FN1: variants seen among roughly 807,000 people sequenced by gnomAD.
FN1 encodes fibronectin 1, also known as fibronectin.
A neutral mutation model predicts 297.3 loss-of-function variants in FN1; 106 were observed. The ratio of observed to expected loss-of-function variants is 0.36; its 90% confidence interval spans 0.30 to 0.42. The LOEUF is 0.42. Ranked by LOEUF, FN1 falls within the 10% of genes least tolerant of loss-of-function variation. The pLI is 1.00. For missense variants in FN1, 2,690 were observed against 3,124.9 expected (o/e 0.86, Z 3.32); for synonymous variants, 1,149 against 1,152.6 (o/e 1.00, Z 0.06).
chr2:215,365,461 G>A (rs1031354568), intron 43 of FN1, 44 bp downstream of exon 43: 4 of 1,598,378 alleles, frequency 2.5e-6, no homozygotes, highest in African/African-American at 2.7e-5. Flanking sequence ...TAATGAAAGT[G>A]AGAATGCTTA....
chr2:215,399,698 T>C (rs2060763791), intron 20 of FN1, among the ~76,000 whole-genome samples: 1 of 152,200 alleles, frequency 6.6e-6, no homozygotes, highest in Non-Finnish European at 1.5e-5. Context: ...GGTGGTCCTT[T>C]CATTGAAATT....
intron 38 of FN1, among the ~76,000 whole-genome samples, chr2:215,375,005 TAC>T (rs1361290108): frequency 6.6e-6 from 1 of 152,220 alleles, no homozygotes; most frequent in Non-Finnish European, 1.5e-5. Context: ...ATGCCATTAG[TAC>T]AGTCTTGAAA....
At chr2:215,421,867 A>G (rs2064446330) in intron 10 of FN1, among the ~76,000 whole-genome samples, 1 of 152,168 alleles carries the variant, frequency 6.6e-6, no homozygotes, top group African/African-American at 2.4e-5. Flanking sequence ...AAGTACTTAC[A>G]TGCTAGGAGT....
At chr2:215,365,408 C>G in intron 43 of FN1, 97 bp downstream of exon 43, 1 of 1,319,576 alleles carries the variant, frequency 7.6e-7, no homozygotes. Flanking sequence ...TCAAGGAGAC[C>G]TAAAGTCTCC....
chr2:215,409,700 A>G lies in FN1; in HGVS notation c.2162T>C (p.Leu721Pro). Residue 721 changes from leucine (L) to proline (P), a missense_variant, in exon 15 of 46, where the codon CTT (leucine) becomes CCT (proline). Around this residue, in one of 3 missense-constraint regions of FN1, gnomAD observed 876 missense variants for 1,058.1 expected, o/e 0.83. Coordinates refer to ENST00000354785, the MANE Select transcript of FN1 (RefSeq NM_212482.4). The stretch of plus-strand genomic sequence containing the variant: ...GGTCACAGATTCAGAAGTGGCCACA[A>G]GAGGAGAAAAGGGAGTCGTCTCTCC... Reference protein sequence around the residue: ...VTGETTPFSPLVATSESVTEI... With the variant: ...VTGETTPFSPPVATSESVTEI... The G allele has an allele frequency of 1.2e-6, 2 of 1,614,134 alleles. No individual in the cohort carries two copies. The highest frequency in any genetic ancestry group is 1.7e-6 in the Non-Finnish European group (2 of 1,180,004).
chr2:215,379,878 T>A (rs988269855), intron 33 of FN1: 1 of 155,414 alleles, frequency 6.4e-6, no homozygotes, highest in African/African-American at 2.4e-5. Flanking sequence ...TATTTTTTTG[T>A]AGAGACGGGG....
At chr2:215,412,700 T>G (rs2062830577) in intron 13 of FN1, among the ~76,000 whole-genome samples, 1 of 151,886 alleles carries the variant, frequency 6.6e-6, no homozygotes, top group Admixed American at 6.6e-5. Context: ...CTGACATTTG[T>G]ATCATTATAT....
Position 215,388,292 on chromosome 2 carries a change from G to A in FN1, c.4262C>T (p.Pro1421Leu), listed in dbSNP as rs146898035. 6.2e-7 allele frequency: 1 copy of A among 1,613,038 alleles called. No homozygotes were observed. The change falls in exon 27 of 46, where the codon CCT (proline) becomes CTT (leucine). Residue 1421 changes from proline to leucine, a missense_variant. Transcript: ENST00000354785. ...GACACTCACTACATATTCTGTACCA[G>A]GCAGGAGATCTGTAGGGGCAAATGG... is the stretch of plus-strand genomic sequence containing the variant. Reference protein sequence around the residue: ...DNAVVLTNLLPGTEYVVSVSS... With the variant: ...DNAVVLTNLLLGTEYVVSVSS...
Position 215,383,365 on chromosome 2 carries a change from A to G in FN1, c.5013T>C (p.Asn1671=), listed in dbSNP as rs371112508. 5.0e-6 allele frequency: 8 copies of G among 1,613,948 alleles called. No individual in the cohort carries two copies. The highest frequency in any genetic ancestry group is 6.8e-6 in the Non-Finnish European group (8 of 1,180,008). ...TTTTAGTTTTTGTTGGTCCTGGTCCATTTTTGGGAGTGGTGGTTACTCTGT... is the reference window on the plus strand; with the variant it reads ...TTTTAGTTTTTGTTGGTCCTGGTCCGTTTTTGGGAGTGGTGGTTACTCTGT... ...TGYRVTTTPK[N]GPGPTKTKTA... The change falls in exon 31 of 46, where the codon AAT becomes AAC. Residue 1671 remains asparagine (N), a synonymous_variant. Coordinates refer to ENST00000354785, the MANE Select transcript of FN1 (RefSeq NM_212482.4).
At chr2:215,383,609 G>C (rs76718250) in intron 30 of FN1, 126 bp from the exon 31 acceptor site, 2 of 1,021,964 alleles carry the variant, frequency 2.0e-6, no homozygotes, top group Admixed American at 1.9e-5. Flanking sequence ...ATTTCTTCTC[G>C]AAAGAATACA....
intron 8 of FN1, 78 bp downstream of exon 8, chr2:215,424,068 G>T: frequency 1.4e-6 from 2 of 1,431,188 alleles, no homozygotes; most frequent in Non-Finnish European, 2.0e-6. Flanking sequence ...AAAATAAATG[G>T]CTAGAATGCT....
At chr2:215,379,613 A>AG in intron 33 of FN1, 1 of 309,638 alleles carries the variant, frequency 3.2e-6, no homozygotes, top group Admixed American at 4.7e-5. Context: ...TAAAAAAAAA[A>AG]GTTACATTGG....
Position 215,431,868 on chromosome 2 carries a change from C to T in FN1, c.512G>A (p.Gly171Asp). The T allele has an allele frequency of 6.2e-7, 1 of 1,614,174 alleles. No individual in the cohort carries two copies. The highest frequency in any genetic ancestry group is 8.5e-7 in the Non-Finnish European group (1 of 1,180,024). Residue 171 changes from glycine to aspartate, a missense_variant, in exon 4 of 46, where the codon GGT (glycine) becomes GAT (aspartate). By Grantham distance (94) the Gly-to-Asp change is moderately conservative. This residue lies in a region of FN1 where 876 missense variants were observed against 1,058.1 expected (regional missense o/e 0.83). Coordinates refer to ENST00000354785, the MANE Select transcript of FN1 (RefSeq NM_212482.4). ...GCAGGTCCATTCTCCTTTTCCATTACCAAGACACACACACTCTAACATGTA... is the reference window on the plus strand; with the variant it reads ...GCAGGTCCATTCTCCTTTTCCATTATCAAGACACACACACTCTAACATGTA... Reference protein sequence around the residue: ...GGYMLECVCLGNGKGEWTCKP... With the variant: ...GGYMLECVCLDNGKGEWTCKP...
chr2:215,414,267 G>A (rs1269500795), intron 13 of FN1, among the ~76,000 whole-genome samples: 1 of 152,050 alleles, frequency 6.6e-6, no homozygotes, highest in East Asian at 1.9e-4. Flanking sequence ...CTTCTCATTA[G>A]GAAATCACAG....
rs768554043 is a variant in FN1, at chr2:215,384,109, C to G, written c.4805G>C (p.Gly1602Ala). The change falls in exon 30 of 46, where the codon GGA becomes GCA. Residue 1602 changes from glycine (G) to alanine (A), a missense_variant. By Grantham distance (60) the Gly-to-Ala change is moderately conservative. This residue lies in a region of FN1 where 1,743 missense variants were observed against 1,945.2 expected (regional missense o/e 0.90). Transcript: ENST00000354785. ...STATISGLKP[G>A]VDYTITVYAV... ...ATACACAGTGATGGTATAATCAACT[C>G]CAGGTTTAAGGCCGCTGATGGTAGC... 6.2e-7 allele frequency: 1 copy of G among 1,614,118 alleles called. No homozygotes were observed. The highest frequency in any genetic ancestry group is 8.5e-7 in the Non-Finnish European group (1 of 1,180,002).
intron 34 of FN1, 68 bp from the exon 35 acceptor site, chr2:215,378,330 G>C: frequency 1.2e-6 from 1 of 824,510 alleles, no homozygotes; most frequent in Non-Finnish European, 2.1e-6. Flanking sequence ...TTTCACTACA[G>C]CATTAGGTAA....
In FN1 at chr2:215,370,540, C is replaced by CAAAAAAAAAAAAAAAAAA. The variant is rs377315833; in HGVS notation, c.6715-109_6715-108insTTTTTTTTTTTTTTTTTT. The CAAAAAAAAAAAAAAAAAA allele has an allele frequency of 1.2e-4, 36 of 304,980 alleles. 2 individuals carry two copies. Among genetic ancestry groups the CAAAAAAAAAAAAAAAAAA allele is most frequent in the African/African-American group, 1.0e-3 (28 of 27,316 alleles). 18.9% of individuals were successfully genotyped at this position (304,980 alleles called of 1,614,324 possible). On this transcript the variant is annotated intron_variant, in intron 40 of 45. Transcript: ENST00000354785. The stretch of plus-strand genomic sequence containing the variant: ...ACTGTTTAAACAAAGCAAAGGAAGA[C>CAAAAAAAAAAAAAAAAAA]AAAAAACAAAAAACAAAAAAAAAAA...
chr2:215,401,323 G>C (rs1188891747), intron 20 of FN1, among the ~76,000 whole-genome samples: 3 of 148,170 alleles, frequency 2.0e-5, no homozygotes, highest in Admixed American at 1.4e-4. Context: ...GAAGGAAAGA[G>C]AAAGAAAGAA....
In FN1 at chr2:215,372,353, G is replaced by T. The variant is rs777345723; in HGVS notation, c.6270C>A (p.Thr2090=). Residue 2090 remains threonine, a synonymous_variant, in exon 40 of 46, where the codon ACC becomes ACA. Transcript: ENST00000354785. ...KKTDELPQLV[T]LPHPNLHGPE... is the part of the protein sequence containing the mutation. ...GTCCATGAAGATTGGGGTGTGGAAGGGTTACCAGTTGGGGAAGCTCGTCTA... is the reference window on the plus strand; with the variant it reads ...GTCCATGAAGATTGGGGTGTGGAAGTGTTACCAGTTGGGGAAGCTCGTCTA... 1.9e-6 allele frequency: 3 copies of T among 1,614,184 alleles called. No homozygotes were observed. The highest frequency in any genetic ancestry group is 1.1e-5 in the South Asian group (1 of 91,076).
Sources: gnomAD v4.1 joint callset for allele counts (sites outside exome capture counted in the v4.1 genomes callset) on GRCh38, gnomAD v4.1.1 for gene constraint, gnomAD v4.1.1 regional missense constraint, MANE v1.5 for transcripts, NCBI Gene and HGNC (gene_info 2026-07-23, HGNC 2026-07-21) for gene names.